The following KLK9 variants were observed in gnomAD, a reference collection of about 807,000 sequenced individuals.
The protein encoded by KLK9 is kallikrein-9.
Under a neutral mutation model 23.3 loss-of-function variants are expected in KLK9, and 26 were observed. The ratio of observed to expected loss-of-function variants is 1.12; its 90% confidence interval spans 0.82 to 1.55. The LOEUF is 1.55. KLK9 is among the 40% of genes most tolerant of loss of function. The pLI, the probability that KLK9 is intolerant of heterozygous loss-of-function variation, is 0.00. For missense variants in KLK9, 346 were observed against 333.7 expected (o/e 1.04, Z -0.29); for synonymous variants, 122 against 128.5 (o/e 0.95, Z 0.34).
At chr19:51,004,417 C>G (rs1366640826) in intron 3 of KLK9, among the ~76,000 whole-genome samples, 2 of 138,670 alleles carry the variant, frequency 1.4e-5, no homozygotes, top group Non-Finnish European at 3.0e-5. Flanking sequence ...TGCAGAGAGC[C>G]AAGAGATAAG....
chr19:51,009,050 C>A lies in KLK9; in HGVS notation c.200+133G>T. On this transcript the variant is annotated intron_variant, in intron 2 of 4. Transcript: ENST00000594211. This position sits in a 1 kb window ranked among gnomAD's most constrained non-coding sequence, Gnocchi z 4.8. ...AGAATTTTAGGATTTGGGAGGCTAC[C>A]CTTCCTACTTCTAAGAGTTGAACTT... 9.8e-7 allele frequency: 1 copy of A among 1,016,262 alleles called. No individual in the cohort carries two copies. Among genetic ancestry groups the A allele is most frequent in the South Asian group, 1.7e-5 (1 of 57,222 alleles). The allele number at this position is 1,016,262 out of a possible 1,614,324, so 63.0% of individuals were successfully genotyped here.
At position 51,006,354 on chromosome 19, in the gene KLK9, G is replaced by T; in HGVS notation, c.466+104C>A. The stretch of plus-strand genomic sequence containing the variant: ...ATATCGATTGGCAGATAGATAGACT[G>T]ACAGAGAGAGAGAGGAGAGAGAAAA... On this transcript the variant is annotated intron_variant, in intron 3 of 4. Transcript: ENST00000594211. The surrounding 1 kb of genome is among the most constrained non-coding windows in gnomAD (Gnocchi z 4.1). 8.9e-7 allele frequency: 1 copy of T among 1,127,174 alleles called. No homozygotes were observed. Among genetic ancestry groups the T allele is most frequent in the Non-Finnish European group, 1.2e-6 (1 of 810,964 alleles). The allele number at this position is 1,127,174 out of a possible 1,614,324, so 69.8% of individuals were successfully genotyped here.
In KLK9 at chr19:51,006,851, A is replaced by C; in HGVS notation, c.201-128T>G. Reference sequence around the variant, plus strand: ...AGCCACACACCCTCTCTGCACCCTCATCATCTATGTCTGGCCCAGGGTACT... The same window carrying C: ...AGCCACACACCCTCTCTGCACCCTCCTCATCTATGTCTGGCCCAGGGTACT... On this transcript the variant is annotated intron_variant, in intron 2 of 4. Coordinates refer to ENST00000594211, the MANE Select transcript of KLK9 (RefSeq NM_012315.2). The surrounding 1 kb of genome is among the most constrained non-coding windows in gnomAD (Gnocchi z 4.1). 3.0e-6 allele frequency: 3 copies of C among 1,009,824 alleles called. No individual in the cohort carries two copies. Among genetic ancestry groups the C allele is most frequent in the Non-Finnish European group, 4.2e-6 (3 of 709,252 alleles). The allele number at this position is 1,009,824 out of a possible 1,614,324, so 62.6% of individuals were successfully genotyped here. A position where few individuals can be genotyped will look rare whatever the true frequency, so the allele number is the denominator to read the frequency against.
At position 51,009,189 on chromosome 19, in the gene KLK9, C is replaced by T. The variant is rs942944016; in HGVS notation, c.194G>A (p.Arg65His). The T allele has an allele frequency of 1.7e-5, 28 of 1,605,654 alleles. No individual in the cohort carries two copies. In the East Asian group the frequency reaches 2.7e-4, roughly 15 times the overall value. Residue 65 changes from arginine to histidine, a missense_variant, in exon 2 of 5, where the codon CGC becomes CAC. By Grantham distance (29) the Arg-to-His change is conservative (BLOSUM62 0). Coordinates refer to ENST00000594211, the MANE Select transcript of KLK9 (RefSeq NM_012315.2). The surrounding 1 kb of genome is among the most constrained non-coding windows in gnomAD (Gnocchi z 4.8). ...GCCAGCCTGGGTCACTCACGGCTTGCGGCAGTGGGCAGCTGTGAGCAGCCA... is the reference window on the plus strand; with the variant it reads ...GCCAGCCTGGGTCACTCACGGCTTGTGGCAGTGGGCAGCTGTGAGCAGCCA... ...DRWLLTAAHCRKPYLWVRLGE... is the reference protein window; with the variant it reads ...DRWLLTAAHCHKPYLWVRLGE...
chr19:51,003,581 GA>G (rs2091243751), intron 4 of KLK9, 122 bp downstream of exon 4: 1 of 877,318 alleles, frequency 1.1e-6, no homozygotes, highest in African/African-American at 1.7e-5. Context: ...CCTCTCCCAG[GA>G]ACCAGGTATC....
At chr19:51,004,793 G>A (rs1223088948) in intron 3 of KLK9, among the ~76,000 whole-genome samples, 1 of 152,050 alleles carries the variant, frequency 6.6e-6, no homozygotes, top group Non-Finnish European at 1.5e-5. Flanking sequence ...TTTGCAGGAA[G>A]ATGGTCACTG....
In KLK9 at chr19:51,009,135, A is replaced by G. The variant is rs914956107; in HGVS notation, c.200+48T>C. ...CTAAAGCACCCCTCACCCTCTCCTG[A>G]CCCCCAGCCTCTGTCCCTCCCCAGC... On this transcript the variant is annotated intron_variant, in intron 2 of 4. Coordinates refer to ENST00000594211, the MANE Select transcript of KLK9 (RefSeq NM_012315.2). The surrounding 1 kb of genome is among the most constrained non-coding windows in gnomAD (Gnocchi z 4.8). The G allele has an allele frequency of 6.4e-7, 1 of 1,570,080 alleles. No homozygotes were observed. Among genetic ancestry groups the G allele is most frequent in the Non-Finnish European group, 8.6e-7 (1 of 1,162,696 alleles).
rs774970354 is a variant in KLK9, at chr19:51,003,823, G to T, written c.484C>A (p.Leu162Met). Residue 162 changes from leucine to methionine, a missense_variant, in exon 4 of 5, where the codon CTG becomes ATG. By Grantham distance (15) the Leu-to-Met change is conservative. Transcript: ENST00000594211. ...AGGATGCTGATGTTGGCACACTGCA[G>T]TGTGACTGGAAACAGCGCTGTCAGG... ...SSPKALFPVT[L>M]QCANISILEN... 6.2e-7 allele frequency: 1 copy of T among 1,613,912 alleles called. No homozygotes were observed. The highest frequency in any genetic ancestry group is 1.3e-5 in the African/African-American group (1 of 74,930).
At chr19:51,007,938 A>G (rs552313480) in intron 2 of KLK9, among the ~76,000 whole-genome samples, 7 of 152,294 alleles carry the variant, frequency 4.6e-5, no homozygotes, top group African/African-American at 1.7e-4. Flanking sequence ...AGATTCTAAC[A>G]TTCCAGATTC....
intron 3 of KLK9, among the ~76,000 whole-genome samples, chr19:51,004,140 G>A (rs544692315): frequency 4.6e-5 from 7 of 151,926 alleles, no homozygotes; most frequent in Non-Finnish European, 8.8e-5. Context: ...AGGAGTTTGA[G>A]ACCAGCCCAG....
In KLK9 at chr19:51,003,214, A is replaced by G. The variant is rs1320360277; in HGVS notation, c.650T>C (p.Val217Ala). ...GCAGGGCTCAGCACCCCCAGACACCACGCCTGCCAAGGTTCCATTGCAAAC... is the reference window on the plus strand; with the variant it reads ...GCAGGGCTCAGCACCCCCAGACACCGCGCCTGCCAAGGTTCCATTGCAAAC... ...PLVCNGTLAG[V>A]VSGGAEPCSR... The change falls in exon 5 of 5, where the codon GTG (valine) becomes GCG (alanine). Residue 217 changes from valine to alanine, a missense_variant. By Grantham distance (64) the Val-to-Ala change is moderately conservative. Transcript: ENST00000594211. The G allele has an allele frequency of 6.2e-7, 1 of 1,612,988 alleles. No homozygotes were observed. Among genetic ancestry groups the G allele is most frequent in the Non-Finnish European group, 8.5e-7 (1 of 1,179,658 alleles).
Position 51,009,381 on chromosome 19 carries a change from G to T in KLK9, c.44-42C>A, listed in dbSNP as rs762613848. On this transcript the variant is annotated intron_variant, in intron 1 of 4. Transcript: ENST00000594211. The surrounding 1 kb of genome is among the most constrained non-coding windows in gnomAD (Gnocchi z 4.8). ...GGACAAAGGGGTCAGCGAAGAGCAGGCTGGGAGGGCAGGGAGAGGATGCTG... is the reference window on the plus strand; with the variant it reads ...GGACAAAGGGGTCAGCGAAGAGCAGTCTGGGAGGGCAGGGAGAGGATGCTG... 1.9e-6 allele frequency: 3 copies of T among 1,549,666 alleles called. No homozygotes were observed. In the East Asian group the frequency reaches 6.8e-5, roughly 35 times the overall value.
intron 2 of KLK9, among the ~76,000 whole-genome samples, chr19:51,007,336 T>C (rs1249293504): frequency 6.6e-6 from 1 of 151,848 alleles, no homozygotes; most frequent in Non-Finnish European, 1.5e-5. Flanking sequence ...TCATTTCTGG[T>C]CCATGCCCTA....
rs757909854 is a variant in KLK9 at position 51,003,152 on chromosome 19, A to T, written c.712T>A (p.Cys238Ser). ...PRRPAVYTSV[C>S]HYLDWIQEIM... Reference sequence around the variant, plus strand: ...TCTTGGATCCAGTCAAGGTAGTGGCATACGCTGGTGTAGACTGCGGGGCGC... The same window carrying T: ...TCTTGGATCCAGTCAAGGTAGTGGCTTACGCTGGTGTAGACTGCGGGGCGC... Residue 238 changes from cysteine (C) to serine (S), a missense_variant, in exon 5 of 5, where the codon TGC (cysteine) becomes AGC (serine). Transcript: ENST00000594211. 3.1e-6 allele frequency: 5 copies of T among 1,612,600 alleles called. No individual in the cohort carries two copies. Among genetic ancestry groups the T allele is most frequent in the Non-Finnish European group, 4.2e-6 (5 of 1,179,648 alleles).
chr19:51,007,592 C>T (rs2091260630), intron 2 of KLK9, among the ~76,000 whole-genome samples: 2 of 151,864 alleles, frequency 1.3e-5, no homozygotes, highest in Non-Finnish European at 2.9e-5. Flanking sequence ...CTGCATTTCT[C>T]CTGCTTCACT....
chr19:51,008,672 T>C (rs1007306185), intron 2 of KLK9, among the ~76,000 whole-genome samples: 1 of 152,192 alleles, frequency 6.6e-6, no homozygotes, highest in African/African-American at 2.4e-5. Flanking sequence ...GTAAACTGTA[T>C]CGTTCATACG....
At chr19:51,004,727 A>G (rs2091249321) in intron 3 of KLK9, among the ~76,000 whole-genome samples, 1 of 151,720 alleles carries the variant, frequency 6.6e-6, no homozygotes, top group Non-Finnish European at 1.5e-5. Context: ...AAAGAAATAG[A>G]AAAAGACCCA....
chr19:51,009,174 G>C lies in KLK9; in HGVS notation c.200+9C>G, dbSNP rs1166879251. 7 of 1,605,558 alleles carry C rather than the reference G, an allele frequency of 4.4e-6. No individual in the cohort carries two copies. In the Admixed American group the frequency reaches 6.7e-5, roughly 15 times the overall value. On this transcript the variant is annotated intron_variant, in intron 2 of 4. Coordinates refer to ENST00000594211, the MANE Select transcript of KLK9 (RefSeq NM_012315.2). The surrounding 1 kb of genome is among the most constrained non-coding windows in gnomAD (Gnocchi z 4.8). Reference sequence around the variant, plus strand: ...TCCCTCCCCAGCATGGCCAGCCTGGGTCACTCACGGCTTGCGGCAGTGGGC... The same window carrying C: ...TCCCTCCCCAGCATGGCCAGCCTGGCTCACTCACGGCTTGCGGCAGTGGGC...
Position 51,009,362 on chromosome 19 carries a change from A to AG in KLK9, c.44-24dup, listed in dbSNP as rs1443120835. ...GCCCTGGGGTGGGGATGAGGGACAA[A>AG]GGGGTCAGCGAAGAGCAGGCTGGGA... On this transcript the variant is annotated intron_variant, in intron 1 of 4. Coordinates refer to ENST00000594211, the MANE Select transcript of KLK9 (RefSeq NM_012315.2). The surrounding 1 kb of genome is among the most constrained non-coding windows in gnomAD (Gnocchi z 4.8). The AG allele has an allele frequency of 1.3e-6, 2 of 1,562,338 alleles. No homozygotes were observed. Among genetic ancestry groups the AG allele is most frequent in the East Asian group, 4.5e-5 (2 of 44,068 alleles).
Sources: allele counts gnomAD v4.1 joint callset (sites outside exome capture counted in the v4.1 genomes callset), GRCh38; gene constraint gnomAD v4.1.1; non-coding constraint Gnocchi (gnomAD v3.1); transcripts MANE v1.5; gene names NCBI Gene and HGNC (gene_info 2026-07-23, HGNC 2026-07-21).